The following FBXL17 variants were observed in gnomAD, a reference collection of about 807,000 sequenced individuals.
FBXL17 encodes F-box and leucine rich repeat protein 17, also known as F-box/LRR-repeat protein 17.
In FBXL17, 22 loss-of-function variants were observed where a neutral mutation model predicts 66.2. The observed-to-expected ratio is 0.33, with a 90% CI of 0.24 to 0.47. FBXL17 has a LOEUF of 0.47. Ranked by LOEUF, FBXL17 falls within the 20% of genes least tolerant of loss-of-function variation. FBXL17 has a pLI of 1.00. For synonymous variants in FBXL17, 474 were observed against 400.5 expected (o/e 1.18, Z -2.19); for missense variants, 878 against 948.2 (o/e 0.93, Z 0.97).
intron 2 of FBXL17, among the ~76,000 whole-genome samples, chr5:108,366,864 G>A (rs559698394): frequency 6.6e-6 from 1 of 152,258 alleles, no homozygotes; most frequent in East Asian, 1.9e-4. Flanking sequence ...CTTGGTTAAA[G>A]TGTGTGTTAT....
chr5:108,171,881 G>A (rs1015640519), intron 6 of FBXL17, among the ~76,000 whole-genome samples: 4 of 152,140 alleles, frequency 2.6e-5, no homozygotes, highest in African/African-American at 9.7e-5. Context: ...TCTTGCAATG[G>A]TGAGTAAGTC....
chr5:108,366,164 C>G (rs1748648182), intron 2 of FBXL17, among the ~76,000 whole-genome samples: 1 of 152,004 alleles, frequency 6.6e-6, no homozygotes, highest in African/African-American at 2.4e-5. Flanking sequence ...TATCAGAACA[C>G]CAAAGACTAT....
intron 6 of FBXL17, among the ~76,000 whole-genome samples, chr5:108,088,838 T>C (rs1183134108): frequency 6.8e-6 from 1 of 147,426 alleles, no homozygotes; most frequent in African/African-American, 2.5e-5. Flanking sequence ...GCAGCACTTA[T>C]CAACAGATTA....
intron 4 of FBXL17, among the ~76,000 whole-genome samples, chr5:108,290,180 T>A (rs1278604485): frequency 6.6e-6 from 1 of 152,160 alleles, no homozygotes; most frequent in Non-Finnish European, 1.5e-5. Context: ...TAGTGGTACA[T>A]AAATTAATAA....
At chr5:108,123,321 C>T (rs573544715) in intron 6 of FBXL17, among the ~76,000 whole-genome samples, 2 of 151,982 alleles carry the variant, frequency 1.3e-5, no homozygotes, top group South Asian at 4.2e-4. Flanking sequence ...TTCTTTGCCC[C>T]CAACACAGGC....
intron 7 of FBXL17, among the ~76,000 whole-genome samples, chr5:107,942,688 A>G (rs1435251355): frequency 6.6e-6 from 1 of 151,854 alleles, no homozygotes; most frequent in Non-Finnish European, 1.5e-5. Flanking sequence ...ATTTTGTCCC[A>G]TTGACAATGC....
At chr5:108,283,352 T>C (rs1165924572) in intron 4 of FBXL17, among the ~76,000 whole-genome samples, 1 of 151,722 alleles carries the variant, frequency 6.6e-6, no homozygotes, top group African/African-American at 2.4e-5. Flanking sequence ...AACAGACACA[T>C]AGATCAATGG....
chr5:108,125,148 T>C (rs191235628), intron 6 of FBXL17, among the ~76,000 whole-genome samples: 10 of 151,948 alleles, frequency 6.6e-5, no homozygotes, highest in Admixed American at 6.6e-4. Flanking sequence ...ACCAAAGACA[T>C]ACAAATTTAA....
Position 107,891,880 on chromosome 5 carries a change from T to C in FBXL17, c.1823-10701A>G, listed in dbSNP as rs538141027. ...ATTATTCAATATACATTTGTTTAAA[T>C]AGAGATACTCTTCAACTTACGATGG... On this transcript the variant is annotated intron_variant, in intron 7 of 8. Transcript: ENST00000542267. Among the ~76,000 whole-genome samples the C allele has an allele frequency of 2.6e-5, 4 of 152,222 alleles. No individual in the cohort carries two copies. The East Asian group carries it at 7.7e-4, about 29-fold the overall frequency.
At chr5:108,348,575 G>T in intron 3 of FBXL17, 45 bp from the exon 4 acceptor site, 1 of 1,572,372 alleles carries the variant, frequency 6.4e-7, no homozygotes, top group Non-Finnish European at 8.7e-7. Flanking sequence ...AATAACAAAG[G>T]CAACATATTT....
At chr5:108,345,007 G>A (rs1303265256) in intron 4 of FBXL17, among the ~76,000 whole-genome samples, 2 of 152,092 alleles carry the variant, frequency 1.3e-5, no homozygotes, top group African/African-American at 4.8e-5. Context: ...AAAAATAACT[G>A]AAACAGAACT....
At chr5:108,005,761 G>A (rs1047349552) in intron 7 of FBXL17, among the ~76,000 whole-genome samples, 1 of 152,214 alleles carries the variant, frequency 6.6e-6, no homozygotes, top group Non-Finnish European at 1.5e-5. Flanking sequence ...TGCAATCATT[G>A]ATATAACTGG....
At chr5:108,026,243 CTAAG>C (rs1190860231) in intron 6 of FBXL17, among the ~76,000 whole-genome samples, 1 of 151,964 alleles carries the variant, frequency 6.6e-6, no homozygotes, top group Non-Finnish European at 1.5e-5. Context: ...GTTACTTTTT[CTAAG>C]TAATAGGACA....
intron 6 of FBXL17, among the ~76,000 whole-genome samples, chr5:108,117,396 G>A (rs886851175): frequency 3.3e-5 from 5 of 152,188 alleles, no homozygotes; most frequent in South Asian, 2.1e-4. Flanking sequence ...CTAACTGATT[G>A]CTAATTAAGG....
At chr5:108,295,906 C>A (rs1758328372) in intron 4 of FBXL17, among the ~76,000 whole-genome samples, 1 of 138,556 alleles carries the variant, frequency 7.2e-6, no homozygotes, top group South Asian at 2.4e-4. Flanking sequence ...AGTAGATAGC[C>A]ATTAAAGAAT....
intron 7 of FBXL17, among the ~76,000 whole-genome samples, chr5:107,885,132 T>C (rs537786492): frequency 7.2e-5 from 11 of 152,304 alleles, no homozygotes; most frequent in Admixed American, 2.6e-4. Context: ...ATGGTATTTA[T>C]TGAACCTTGA....
At chr5:108,292,650 G>A (rs1019950625) in intron 4 of FBXL17, among the ~76,000 whole-genome samples, 1 of 152,146 alleles carries the variant, frequency 6.6e-6, no homozygotes, top group African/African-American at 2.4e-5. Flanking sequence ...GAAGACTTAA[G>A]CAATGCTCGA....
At chr5:108,214,731 G>A (rs758477381) in intron 5 of FBXL17, among the ~76,000 whole-genome samples, 5 of 152,048 alleles carry the variant, frequency 3.3e-5, no homozygotes, top group Admixed American at 6.6e-5. Context: ...TCTAACCCAA[G>A]ATCACAAAAG....
intron 4 of FBXL17, chr5:108,299,171 T>C: frequency 1.0e-6 from 1 of 983,338 alleles, no homozygotes; most frequent in Non-Finnish European, 1.2e-6. Flanking sequence ...AGTTTGTTTT[T>C]CTTTTAAACA....
Sources: gnomAD v4.1 joint callset for allele counts (sites outside exome capture counted in the v4.1 genomes callset) on GRCh38, gnomAD v4.1.1 for gene constraint, MANE v1.5 for transcripts, NCBI Gene and HGNC (gene_info 2026-07-23, HGNC 2026-07-21) for gene names.